GTF2E2: variants seen among roughly 807,000 people sequenced by gnomAD.
GTF2E2 encodes the protein general transcription factor IIE subunit 2.
Under a neutral mutation model 40.5 loss-of-function variants are expected in GTF2E2, and 21 were observed. The ratio of observed to expected loss-of-function variants is 0.52; its 90% CI spans 0.37 to 0.75. The LOEUF (loss-of-function observed/expected upper bound fraction) is 0.75, where lower values mean the gene tolerates loss of function less well. GTF2E2 is among the 30% of genes least tolerant of loss of function. GTF2E2 has a pLI of 0.00. For missense variants in GTF2E2, 298 were observed against 338.4 expected (o/e 0.88, Z 0.94); for synonymous variants, 117 against 121.6 (o/e 0.96, Z 0.25).
At chr8:30,603,020 T>C (rs1203660337) in intron 6 of GTF2E2, among the ~76,000 whole-genome samples, 1 of 152,158 alleles carries the variant, frequency 6.6e-6, no homozygotes, top group East Asian at 1.9e-4. Context: ...TTTATTTTCT[T>C]CCTAGCATTT....
In GTF2E2 at chr8:30,581,724, G is replaced by C. The variant is rs140734684; in HGVS notation, c.644-1328C>G. The stretch of plus-strand genomic sequence containing the variant: ...CACACATTATGGACATGACCTAACT[G>C]ATAACAACTGTGTGCATGATTGTCT... On this transcript the variant is annotated intron_variant, in intron 6 of 7. Transcript: ENST00000355904. Among the ~76,000 whole-genome samples the C allele has an allele frequency of 1.8e-4, 28 of 152,306 alleles. 1 individual carries two copies. Among genetic ancestry groups the C allele is most frequent in the African/African-American group, 6.5e-4 (27 of 41,562 alleles).
chr8:30,651,829 C>T (rs1255962386), intron 2 of GTF2E2, among the ~76,000 whole-genome samples: 1 of 152,124 alleles, frequency 6.6e-6, no homozygotes, highest in East Asian at 1.9e-4. Context: ...ACCTTAATTA[C>T]AATGCTACAG....
At chr8:30,626,477 C>G (rs1801277661) in intron 3 of GTF2E2, among the ~76,000 whole-genome samples, 1 of 152,160 alleles carries the variant, frequency 6.6e-6, no homozygotes. Flanking sequence ...GAGCGAGACT[C>G]TGTCTCAAAA....
At chr8:30,619,703 T>A (rs1801030608) in intron 3 of GTF2E2, among the ~76,000 whole-genome samples, 1 of 152,022 alleles carries the variant, frequency 6.6e-6, no homozygotes, top group South Asian at 2.1e-4. Flanking sequence ...ACATATTTTT[T>A]AAAATGGGAG....
chr8:30,604,986 C>T (rs1043295754), intron 6 of GTF2E2, among the ~76,000 whole-genome samples: 1 of 152,180 alleles, frequency 6.6e-6, no homozygotes, highest in East Asian at 1.9e-4. Context: ...GACAGCTTAG[C>T]GTGCAGATTA....
At chr8:30,627,448 C>CA (rs71539905) in intron 3 of GTF2E2, among the ~76,000 whole-genome samples, 27,747 of 64,190 alleles carry the variant, frequency 0.43, 5,700 homozygotes, top group South Asian at 0.55. Flanking sequence ...ACCTCTCTTG[C>CA]AAAAAAAAAA....
At chr8:30,637,323 G>C (rs1000347021) in intron 2 of GTF2E2, 1 of 455,040 alleles carries the variant, frequency 2.2e-6, no homozygotes, top group Non-Finnish European at 4.4e-6. Context: ...CCACACAAAT[G>C]GCCAATTATG....
At chr8:30,595,357 A>G (rs1563477964) in intron 6 of GTF2E2, among the ~76,000 whole-genome samples, 2 of 152,218 alleles carry the variant, frequency 1.3e-5, no homozygotes, top group Non-Finnish European at 2.9e-5. Context: ...AATTAGAAAA[A>G]TATTTTTAAA....
chr8:30,651,213 A>G (rs748325594), intron 2 of GTF2E2, among the ~76,000 whole-genome samples: 9 of 152,138 alleles, frequency 5.9e-5, no homozygotes, highest in Non-Finnish European at 1.2e-4. Context: ...AAGATAAATA[A>G]AAATTAAAAA....
At chr8:30,623,253 T>G (rs1046577162) in intron 3 of GTF2E2, among the ~76,000 whole-genome samples, 2 of 152,156 alleles carry the variant, frequency 1.3e-5, no homozygotes, top group African/African-American at 4.8e-5. Context: ...AACACAAGTG[T>G]TCTCACTGTT....
rs1393409622 is a variant in GTF2E2 at position 30,625,635 on chromosome 8, G to C, written c.258+9397C>G. ...TTGTTTTTTGTTTTTTGTTTTAAGG[G>C]ACACCCAGGCAGGAGTACAGTGGCA... On this transcript the variant is annotated intron_variant, in intron 3 of 7. Transcript: ENST00000355904. Among the ~76,000 whole-genome samples the C allele has an allele frequency of 2.0e-5, 3 of 151,996 alleles. No homozygotes were observed. The East Asian group carries it at 5.8e-4, about 29-fold the overall frequency.
intron 2 of GTF2E2, chr8:30,645,644 T>C (rs1563508952): frequency 6.8e-7 from 1 of 1,473,612 alleles, no homozygotes; most frequent in Non-Finnish European, 9.0e-7. Context: ...CTCAACCTCT[T>C]CTGAGAAAAA....
At chr8:30,588,853 C>G (rs1459017858) in intron 6 of GTF2E2, among the ~76,000 whole-genome samples, 1 of 152,192 alleles carries the variant, frequency 6.6e-6, no homozygotes, top group Non-Finnish European at 1.5e-5. Context: ...ACCTCCAGAA[C>G]AGTAAGATAA....
chr8:30,646,739 T>C (rs1376802635), intron 2 of GTF2E2, among the ~76,000 whole-genome samples: 1 of 152,120 alleles, frequency 6.6e-6, no homozygotes, highest in Non-Finnish European at 1.5e-5. Context: ...CCCAGCACTT[T>C]GGGAGGCCAA....
chr8:30,600,720 G>T (rs1333315114), intron 6 of GTF2E2, among the ~76,000 whole-genome samples: 1 of 152,142 alleles, frequency 6.6e-6, no homozygotes, highest in Non-Finnish European at 1.5e-5. Context: ...CTTAAGGAAA[G>T]AAATGCCTTT....
chr8:30,587,788 C>A (rs778317095), intron 6 of GTF2E2, among the ~76,000 whole-genome samples: 3 of 145,916 alleles, frequency 2.1e-5, no homozygotes, highest in Non-Finnish European at 4.5e-5. Context: ...AGGAGAATTG[C>A]TTGAACCCAA....
chr8:30,586,616 G>C (rs1165347649), intron 6 of GTF2E2, among the ~76,000 whole-genome samples: 1 of 152,012 alleles, frequency 6.6e-6, no homozygotes, highest in Non-Finnish European at 1.5e-5. Context: ...AAAACTAGAG[G>C]TACCACACTA....
intron 3 of GTF2E2, among the ~76,000 whole-genome samples, chr8:30,631,328 T>A (rs1377746222): frequency 6.6e-6 from 1 of 152,194 alleles, no homozygotes; most frequent in East Asian, 1.9e-4. Flanking sequence ...AGAATTTAAA[T>A]ATAAGTAATT....
chr8:30,628,426 AATT>A lies in GTF2E2; in HGVS notation c.258+6603_258+6605del, dbSNP rs199835651. The stretch of plus-strand genomic sequence containing the variant: ...ATTCTCCTGTCAAAAGAGCACTGAC[AATT>A]ATTATTAACTTATCATGTCCACAAC... On this transcript the variant is annotated intron_variant, in intron 3 of 7. Transcript: ENST00000355904. Among the ~76,000 whole-genome samples the A allele has an allele frequency of 1.4e-4, 22 of 152,318 alleles. 1 individual carries two copies. In the East Asian group the frequency reaches 3.9e-3, roughly 27 times the overall value.
Sources: gnomAD v4.1 joint callset for allele counts (sites outside exome capture counted in the v4.1 genomes callset) on GRCh38, gnomAD v4.1.1 for gene constraint, MANE v1.5 for transcripts, NCBI Gene and HGNC (gene_info 2026-07-23, HGNC 2026-07-21) for gene names.